Variants in RGS6 observed in about 807,000 individuals in gnomAD.
RGS6 encodes the protein regulator of G protein signaling 6.
Under a neutral mutation model 78.5 loss-of-function variants are expected in RGS6, and 30 were observed. The ratio of observed to expected loss-of-function variants is 0.38; its 90% confidence interval spans 0.29 to 0.52. RGS6 has a LOEUF of 0.52. RGS6 is among the 20% of genes least tolerant of loss of function. The probability of loss-of-function intolerance (pLI) is 0.85; values close to 1 mark genes in which losing one functional copy is unlikely to be tolerated. For missense variants in RGS6, 495 were observed against 609.7 expected, an observed-to-expected ratio of 0.81 and a Z score of 1.98; for synonymous variants, 206 against 206.0, an observed-to-expected ratio of 1.00 and a Z score of 0.00.
chr14:72,082,634 CAT>C (rs978501337), intron 2 of RGS6, among the ~76,000 whole-genome samples: 2 of 151,920 alleles, frequency 1.3e-5, no homozygotes, highest in East Asian at 1.9e-4. Flanking sequence ...GTACCCCATA[CAT>C]ATATATAGTT....
intron 2 of RGS6, among the ~76,000 whole-genome samples, chr14:72,327,551 G>A (rs1364201612): frequency 2.6e-5 from 4 of 152,212 alleles, no homozygotes; most frequent in African/African-American, 9.6e-5. Context: ...GTAAAAGAGA[G>A]AGCAGCGTAC....
At chr14:72,235,498 T>C (rs781660697) in intron 2 of RGS6, among the ~76,000 whole-genome samples, 1 of 152,214 alleles carries the variant, frequency 6.6e-6, no homozygotes, top group Non-Finnish European at 1.5e-5. Flanking sequence ...ATAGATAATA[T>C]CTGGAGCTGG....
intron 2 of RGS6, among the ~76,000 whole-genome samples, chr14:72,199,166 G>A (rs1206844528): frequency 1.3e-5 from 2 of 152,216 alleles, no homozygotes; most frequent in Non-Finnish European, 2.9e-5. Context: ...TGAAGGCCCA[G>A]TGATGGAATG....
chr14:72,228,476 G>T (rs1370750899), intron 2 of RGS6, among the ~76,000 whole-genome samples: 1 of 152,184 alleles, frequency 6.6e-6, no homozygotes, highest in Non-Finnish European at 1.5e-5. Flanking sequence ...ACCCATTGGA[G>T]GGTTTTAATC....
At chr14:72,129,453 C>T (rs1456206761) in intron 2 of RGS6, among the ~76,000 whole-genome samples, 1 of 152,140 alleles carries the variant, frequency 6.6e-6, no homozygotes, top group Non-Finnish European at 1.5e-5. Flanking sequence ...TTCCACACAC[C>T]TCACCCTGGC....
intron 3 of RGS6, among the ~76,000 whole-genome samples, chr14:72,386,855 A>C (rs76620914): frequency 6.6e-6 from 1 of 152,222 alleles, no homozygotes; most frequent in African/African-American, 2.4e-5. Flanking sequence ...AATTCTAAAA[A>C]AGGGCAAAAC....
At chr14:72,542,544 A>G (rs1221665014) in intron 17 of RGS6, among the ~76,000 whole-genome samples, 1 of 152,256 alleles carries the variant, frequency 6.6e-6, no homozygotes, top group Non-Finnish European at 1.5e-5. Flanking sequence ...TTGCTGGGAA[A>G]GATGTGTAAG....
chr14:72,461,928 G>A (rs866646367), intron 6 of RGS6, among the ~76,000 whole-genome samples: 1 of 152,178 alleles, frequency 6.6e-6, no homozygotes, highest in South Asian at 2.1e-4. Context: ...TGAAATGCAT[G>A]TAAGGTTCTC....
intron 2 of RGS6, among the ~76,000 whole-genome samples, chr14:72,117,622 A>G (rs966055925): frequency 1.3e-5 from 2 of 152,178 alleles, no homozygotes; most frequent in Non-Finnish European, 2.9e-5. Context: ...GAGGAAGGGA[A>G]GAGAGGAGGG....
intron 14 of RGS6, 105 bp downstream of exon 14, chr14:72,510,384 A>C (rs543286051): frequency 1.3e-5 from 18 of 1,419,948 alleles, no homozygotes; most frequent in Non-Finnish European, 1.7e-5. Flanking sequence ...TCAGGGTTCA[A>C]ATTCAAATGC....
At chr14:72,332,512 C>T (rs753965522) in intron 2 of RGS6, among the ~76,000 whole-genome samples, 3 of 152,126 alleles carry the variant, frequency 2.0e-5, no homozygotes, top group Non-Finnish European at 4.4e-5. Context: ...ACTGGATGTC[C>T]CAACTAGGAA....
the RGS6 span, among the ~76,000 whole-genome samples, chr14:71,897,419 T>C: frequency 2.0e-5 from 3 of 152,340 alleles, no homozygotes; most frequent in South Asian, 2.1e-4. Flanking sequence ...CCAAGTGCTG[T>C]GGAGGGCTAG....
rs149342524 is a variant in RGS6, at chr14:72,160,139, T to C, written c.85-191956T>C. On this transcript the variant is annotated intron_variant, in intron 2 of 17. Coordinates refer to ENST00000553525, the MANE Select transcript of RGS6 (RefSeq NM_001204424.2). The stretch of plus-strand genomic sequence containing the variant: ...CCAATAAATAGTAAATGTTGTTCGA[T>C]CAAATCATAAATGTAGATATAAGCT... 3.6e-3 allele frequency among the ~76,000 whole-genome samples: 545 copies of C among 152,284 alleles called. 2 individuals are homozygous for C. Among genetic ancestry groups the C allele is most frequent in the African/African-American group, 0.012 (514 of 41,546 alleles).
intron 2 of RGS6, among the ~76,000 whole-genome samples, chr14:72,080,708 T>C (rs2094785319): frequency 6.6e-6 from 1 of 152,122 alleles, no homozygotes; most frequent in South Asian, 2.1e-4. Flanking sequence ...TGGTATGAGA[T>C]GAGGGTCCAA....
chr14:72,572,257 T>C, the RGS6 span, among the ~76,000 whole-genome samples: 203 of 152,296 alleles, frequency 1.3e-3, 7 homozygotes, highest in South Asian at 0.034. Flanking sequence ...AGCTTAAAAA[T>C]AGAGTTACTC....
chr14:72,329,984 T>C lies in RGS6; in HGVS notation c.85-22111T>C, dbSNP rs192627354. ...AACTTTCAAGTAGAGTGAAGCCTCC[T>C]CCGTGGTGAACTATAAACTTGGATG... On this transcript the variant is annotated intron_variant, in intron 2 of 17. Transcript: ENST00000553525. Among the ~76,000 whole-genome samples the C allele has an allele frequency of 3.3e-5, 5 of 152,358 alleles. No homozygotes were observed. In the East Asian group the frequency reaches 9.6e-4, roughly 29 times the overall value.
chr14:71,973,801 C>G (rs1427462144), intron 2 of RGS6, among the ~76,000 whole-genome samples: 7 of 152,058 alleles, frequency 4.6e-5, no homozygotes, highest in East Asian at 1.9e-4. Flanking sequence ...AAAAACTGTT[C>G]TGTTTTCCTT....
At chr14:72,547,482 T>G in intron 17 of RGS6, 2 of 679,888 alleles carry the variant, frequency 2.9e-6, no homozygotes, top group South Asian at 1.8e-5. Context: ...TGAGTTGAGT[T>G]AGGAAAGCAT....
intron 17 of RGS6, among the ~76,000 whole-genome samples, chr14:72,560,087 C>A (rs1300792005): frequency 6.6e-6 from 1 of 150,988 alleles, no homozygotes; most frequent in African/African-American, 2.5e-5. Flanking sequence ...GCAACAGACT[C>A]TTATTCAGAA....
Sources: allele counts gnomAD v4.1 joint callset (sites outside exome capture counted in the v4.1 genomes callset), GRCh38; gene constraint gnomAD v4.1.1; transcripts MANE v1.5; gene names NCBI Gene and HGNC (gene_info 2026-07-23, HGNC 2026-07-21).